The following PCDHGA12 variants were observed in gnomAD, a reference collection of about 807,000 sequenced individuals.
The protein encoded by PCDHGA12 is protocadherin gamma-A12.
In PCDHGA12, 43 loss-of-function variants were observed where a neutral mutation model predicts 61.1. The observed-to-expected ratio is 0.70, with a 90% confidence interval of 0.55 to 0.91. The LOEUF is 0.91. Ranked by LOEUF, PCDHGA12 falls within the 40% of genes least tolerant of loss-of-function variation. The probability of loss-of-function intolerance (pLI) is 0.00; values close to 1 mark genes in which losing one functional copy is unlikely to be tolerated. For synonymous variants in PCDHGA12, 520 were observed against 542.9 expected (o/e 0.96, Z 0.59); for missense variants, 1,236 against 1,227.7 (o/e 1.01, Z -0.10).
chr5:141,432,700 G>A lies in PCDHGA12; in HGVS notation c.1941G>A (p.Gln647=). The change falls in exon 1 of 4, where the codon CAG becomes CAA. Residue 647 remains glutamine (Q), a synonymous_variant. Transcript: ENST00000252085. The surrounding 1 kb of genome is among the most constrained non-coding windows in gnomAD (Gnocchi z 6.0). ...AGCAGAGCCTCGTAGTGGCCGTCCAGGACCACGGCCAGCCCCCTCTCTCCG... is the reference window on the plus strand; with the variant it reads ...AGCAGAGCCTCGTAGTGGCCGTCCAAGACCACGGCCAGCCCCCTCTCTCCG... The part of the protein sequence containing the change: ...ALKQSLVVAV[Q]DHGQPPLSAT... The A allele has an allele frequency of 6.2e-7, 1 of 1,613,980 alleles. No individual in the cohort carries two copies. The highest frequency in any genetic ancestry group is 8.5e-7 in the Non-Finnish European group (1 of 1,179,978).
At position 141,491,971 on chromosome 5, in the gene PCDHGA12, T is replaced by C. The variant is rs62379205; in HGVS notation, c.2425-2836T>C. ...CCTACACTCAAAAAAGGCCGGGGCC[T>C]CCTTCGAGCTTCCGGTGAATTTCGG... is the stretch of plus-strand genomic sequence containing the variant. On this transcript the variant is annotated intron_variant, in intron 1 of 3. Coordinates refer to ENST00000252085, the MANE Select transcript of PCDHGA12 (RefSeq NM_003735.3). This position sits in a 1 kb window ranked among gnomAD's most constrained non-coding sequence, Gnocchi z 6.9. The C allele has an allele frequency of 0.2, 165,735 of 830,872 alleles. 17,637 individuals are homozygous for C. Among genetic ancestry groups the C allele is most frequent in the Admixed American group, 0.32 (8,466 of 26,688 alleles). 51.5% of individuals were successfully genotyped at this position (830,872 alleles called of 1,614,324 possible).
intron 1 of PCDHGA12, chr5:141,478,053 T>A (rs1461280529): frequency 1.2e-6 from 2 of 1,614,010 alleles, no homozygotes; most frequent in Non-Finnish European, 1.7e-6. Context: ...ACTCTCACGG[T>A]CTTGATCAAA....
At chr5:141,449,137 A>C (rs1257120647) in intron 1 of PCDHGA12, among the ~76,000 whole-genome samples, 1 of 152,176 alleles carries the variant, frequency 6.6e-6, no homozygotes, top group Non-Finnish European at 1.5e-5. Context: ...AATGGAATTG[A>C]AATTGCTGGG....
intron 1 of PCDHGA12, among the ~76,000 whole-genome samples, chr5:141,438,396 A>T (rs1026490705): frequency 6.6e-6 from 1 of 150,930 alleles, no homozygotes. Context: ...TTCATCATTA[A>T]CTCTCTGAAG....
intron 1 of PCDHGA12, among the ~76,000 whole-genome samples, chr5:141,461,985 G>C (rs894777268): frequency 2.6e-5 from 4 of 152,170 alleles, no homozygotes; most frequent in Non-Finnish European, 5.9e-5. Flanking sequence ...CACCACGCCA[G>C]GCTAATTTTG....
chr5:141,469,436 G>A (rs556417221), intron 1 of PCDHGA12, among the ~76,000 whole-genome samples: 11 of 152,118 alleles, frequency 7.2e-5, no homozygotes, highest in East Asian at 1.9e-4. Flanking sequence ...TTAGCTGGGC[G>A]TGGTGGTGCA....
rs1441791773 is a variant in PCDHGA12, at chr5:141,486,038, G to A, written c.2425-8769G>A. The A allele has an allele frequency of 1.9e-6, 3 of 1,614,066 alleles. No individual in the cohort carries two copies. The highest frequency in any genetic ancestry group is 1.1e-5 in the South Asian group (1 of 91,088). On this transcript the variant is annotated intron_variant, in intron 1 of 3. Coordinates refer to ENST00000252085, the MANE Select transcript of PCDHGA12 (RefSeq NM_003735.3). The surrounding 1 kb of genome is among the most constrained non-coding windows in gnomAD (Gnocchi z 5.0). ...TTTCAGTGGTCATACCCCTGATCGT[G>A]TAAGAAACCTCTTTAGCCTGCACCC...
chr5:141,504,224 C>T (rs2099836716), intron 2 of PCDHGA12, among the ~76,000 whole-genome samples: 2 of 152,160 alleles, frequency 1.3e-5, no homozygotes, highest in African/African-American at 4.8e-5. Flanking sequence ...TAGAGCTGAA[C>T]CTTCTAAGAA....
chr5:141,475,928 G>A, intron 1 of PCDHGA12: 1 of 630,590 alleles, frequency 1.6e-6, no homozygotes, highest in Non-Finnish European at 2.7e-6. Context: ...TGGAGATCGG[G>A]CCCCTGCCCG....
Position 141,489,564 on chromosome 5 carries a change from G to A in PCDHGA12, c.2425-5243G>A, listed in dbSNP as rs375200685. The A allele has an allele frequency of 1.9e-6, 3 of 1,613,980 alleles. No homozygotes were observed. Among genetic ancestry groups the A allele is most frequent in the Non-Finnish European group, 1.7e-6 (2 of 1,180,020 alleles). On this transcript the variant is annotated intron_variant, in intron 1 of 3. Transcript: ENST00000252085. This position sits in a 1 kb window ranked among gnomAD's most constrained non-coding sequence, Gnocchi z 4.5. Reference sequence around the variant, plus strand: ...CCAGCTGCCTGCTGCCAGTGCAGGTGGTGACTGAACACCCCCTGGAGCTAA... The same window carrying A: ...CCAGCTGCCTGCTGCCAGTGCAGGTAGTGACTGAACACCCCCTGGAGCTAA...
At chr5:141,469,569 G>A (rs975304006) in intron 1 of PCDHGA12, among the ~76,000 whole-genome samples, 1 of 152,122 alleles carries the variant, frequency 6.6e-6, no homozygotes, top group Non-Finnish European at 1.5e-5. Flanking sequence ...GTGAGACTCT[G>A]TCTCTAAATA....
chr5:141,511,304 CTTGGGAAA>C lies in PCDHGA12; in HGVS notation c.*132_*139del. ...TGGTAGGGGCCAAGGCCATGCTCCC[CTTGGGAAA>C]CAGAAACAAGTGCCCAGTCAGCACC... is the stretch of plus-strand genomic sequence containing the variant. On this transcript the variant is annotated 3_prime_UTR_variant, in exon 4 of 4. Transcript: ENST00000252085. The C allele has an allele frequency of 2.0e-6, 3 of 1,490,438 alleles. No individual in the cohort carries two copies. The South Asian group carries it at 4.0e-5, about 20-fold the overall frequency. 92.3% of individuals were successfully genotyped at this position (1,490,438 alleles called of 1,614,324 possible). A position where few individuals can be genotyped will look rare whatever the true frequency, so the allele number is the denominator to read the frequency against.
At chr5:141,452,897 T>C (rs1447851469) in intron 1 of PCDHGA12, among the ~76,000 whole-genome samples, 1 of 152,230 alleles carries the variant, frequency 6.6e-6, no homozygotes, top group Non-Finnish European at 1.5e-5. Flanking sequence ...CCACTTTTAT[T>C]AGTTGGCATT....
Position 141,477,966 on chromosome 5 carries a change from G to A in PCDHGA12, c.2425-16841G>A, listed in dbSNP as rs2099426792. 6.2e-7 allele frequency: 1 copy of A among 1,614,118 alleles called. No individual in the cohort carries two copies. The highest frequency in any genetic ancestry group is 8.5e-7 in the Non-Finnish European group (1 of 1,180,036). ...AGTCTCTTGGGATCCCCTAACCAGAGCCTTTTTGCCATAGGGCTGCACACT... is the reference window on the plus strand; with the variant it reads ...AGTCTCTTGGGATCCCCTAACCAGAACCTTTTTGCCATAGGGCTGCACACT... On this transcript the variant is annotated intron_variant, in intron 1 of 3. Transcript: ENST00000252085. This position sits in a 1 kb window ranked among gnomAD's most constrained non-coding sequence, Gnocchi z 4.9.
Position 141,438,021 on chromosome 5 carries a change from G to T in PCDHGA12, c.2424+4838G>T, listed in dbSNP as rs112167613. ...CTCCCAAATAGCTGAGATTACAGGT[G>T]TGAGCCACCATGCCCGACCACTTTG... On this transcript the variant is annotated intron_variant, in intron 1 of 3. Transcript: ENST00000252085. Among the ~76,000 whole-genome samples the T allele has an allele frequency of 1.6e-3, 250 of 152,256 alleles. 2 individuals are homozygous for T. Among genetic ancestry groups the T allele is most frequent in the African/African-American group, 5.3e-3 (221 of 41,544 alleles).
At position 141,487,421 on chromosome 5, in the gene PCDHGA12, C is replaced by A. The variant is rs1365581881; in HGVS notation, c.2425-7386C>A. On this transcript the variant is annotated intron_variant, in intron 1 of 3. Coordinates refer to ENST00000252085, the MANE Select transcript of PCDHGA12 (RefSeq NM_003735.3). This position sits in a 1 kb window ranked among gnomAD's most constrained non-coding sequence, Gnocchi z 5.0. ...GGGGCTTCCCCCTTCCAATGGGATC[C>A]TCCGAATCCAGCTAGGGTCAGATGA... 2 of 1,614,026 alleles carry A rather than the reference C, an allele frequency of 1.2e-6. No individual in the cohort carries two copies. Among genetic ancestry groups the A allele is most frequent in the South Asian group, 1.1e-5 (1 of 91,086 alleles).
At chr5:141,453,989 A>T (rs902043628) in intron 1 of PCDHGA12, among the ~76,000 whole-genome samples, 6 of 152,256 alleles carry the variant, frequency 3.9e-5, no homozygotes, top group African/African-American at 1.4e-4. Context: ...CCTTCCAGTG[A>T]TAAACCCACA....
Position 141,447,812 on chromosome 5 carries a change from G to A in PCDHGA12, c.2424+14629G>A, listed in dbSNP as rs557330895. 5.4e-4 allele frequency among the ~76,000 whole-genome samples: 82 copies of A among 152,254 alleles called. 1 individual carries two copies. The highest frequency in any genetic ancestry group is 1.3e-3 in the Admixed American group (20 of 15,294). On this transcript the variant is annotated intron_variant, in intron 1 of 3. Coordinates refer to ENST00000252085, the MANE Select transcript of PCDHGA12 (RefSeq NM_003735.3). ...TTTAAGAAAATAAAATTGGCTGGGC[G>A]TGGTGGCTCACGCCTGTAATCCCAG...
intron 1 of PCDHGA12, among the ~76,000 whole-genome samples, chr5:141,449,840 T>C (rs1367482819): frequency 6.6e-6 from 1 of 151,692 alleles, no homozygotes; most frequent in Non-Finnish European, 1.5e-5. Context: ...TTTTATATAA[T>C]TAAATTTTAA....
Sources: allele counts gnomAD v4.1 joint callset (sites outside exome capture counted in the v4.1 genomes callset), GRCh38; gene constraint gnomAD v4.1.1; non-coding constraint Gnocchi (gnomAD v3.1); transcripts MANE v1.5; gene names NCBI Gene and HGNC (gene_info 2026-07-23, HGNC 2026-07-21).